RBCK1: variants seen among roughly 807,000 people sequenced by gnomAD.
RBCK1 encodes RANBP2-type and C3HC4-type zinc finger containing 1.
In RBCK1, 44 loss-of-function variants were observed where a neutral mutation model predicts 71.1. That is an observed-to-expected ratio of 0.62 (90% CI 0.49 to 0.80). The LOEUF is 0.80. RBCK1 is among the 30% of genes least tolerant of loss of function. The probability of loss-of-function intolerance (pLI) is 0.00; values close to 1 mark genes in which losing one functional copy is unlikely to be tolerated. For missense variants in RBCK1, 569 were observed against 685.0 expected (o/e 0.83, Z 1.89); for synonymous variants, 306 against 279.7 (o/e 1.09, Z -0.94).
Position 418,641 on chromosome 20 carries a change from T to G in RBCK1, c.461-706T>G, listed in dbSNP as rs538873682. On this transcript the variant is annotated intron_variant, in intron 4 of 11. Transcript: ENST00000356286. The stretch of plus-strand genomic sequence containing the variant: ...CCTCGGCCTCCCAAAGTGCTGGGAT[T>G]ACAGGCGTGAGCCACCACGCCCAAC... Among the ~76,000 whole-genome samples the G allele has an allele frequency of 5.9e-4, 90 of 152,362 alleles. 1 individual carries two copies. In the South Asian group the frequency reaches 7.9e-3, roughly 13 times the overall value.
chr20:423,550 A>T (rs1476810865), intron 8 of RBCK1, among the ~76,000 whole-genome samples: 1 of 152,238 alleles, frequency 6.6e-6, no homozygotes, highest in Non-Finnish European at 1.5e-5. Context: ...ACAATACAGC[A>T]TAAACTATTT....
chr20:429,097 G>T lies in RBCK1; in HGVS notation c.1452+3G>T. ...AGGGCCCACGCTGGGGCCCTGGGGT[G>T]AGTCTTTGCTCGTGGTGGTGTGGAG... On this transcript the variant is annotated splice_donor_region_variant and intron_variant, in intron 11 of 11. Coordinates refer to ENST00000356286, the MANE Select transcript of RBCK1 (RefSeq NM_031229.4). 1 of 1,610,246 alleles carries T rather than the reference G, an allele frequency of 6.2e-7. No individual in the cohort carries two copies. Among genetic ancestry groups the T allele is most frequent in the Non-Finnish European group, 8.5e-7 (1 of 1,178,094 alleles).
Position 426,183 on chromosome 20 carries a change from A to G in RBCK1, c.1030-1130A>G, listed in dbSNP as rs542971880. 2.3e-3 allele frequency among the ~76,000 whole-genome samples: 345 copies of G among 152,350 alleles called. 1 individual carries two copies. The highest frequency in any genetic ancestry group is 7.9e-3 in the African/African-American group (330 of 41,576). ...TCACATCATGGAGAATGGGGAATCC[A>G]TCCCCTCAAGCATTTATCCTTTGTG... is the stretch of plus-strand genomic sequence containing the variant. On this transcript the variant is annotated intron_variant, in intron 8 of 11. Coordinates refer to ENST00000356286, the MANE Select transcript of RBCK1 (RefSeq NM_031229.4).
At chr20:420,604 G>A in intron 6 of RBCK1, 1 of 917,634 alleles carries the variant, frequency 1.1e-6, no homozygotes. Context: ...CCCCTCCCTT[G>A]GCTTCCCCAC....
chr20:418,939 C>A (rs1307821918), intron 4 of RBCK1, among the ~76,000 whole-genome samples: 1 of 152,218 alleles, frequency 6.6e-6, no homozygotes, highest in African/African-American at 2.4e-5. Context: ...ACTTGGCATT[C>A]TGCTGTCATG....
rs1378291412 is a variant in RBCK1 at position 422,441 on chromosome 20, A to G, written c.1029+203A>G. On this transcript the variant is annotated intron_variant, in intron 8 of 11. Coordinates refer to ENST00000356286, the MANE Select transcript of RBCK1 (RefSeq NM_031229.4). This position sits in a 1 kb window ranked among gnomAD's most constrained non-coding sequence, Gnocchi z 5.0. ...CAGACATTTTTCAAGAGCTTTGTCC[A>G]TGTGGGGTGTTGAGACCCCAAGCAG... is the stretch of plus-strand genomic sequence containing the variant. Among the ~76,000 whole-genome samples the G allele has an allele frequency of 6.6e-6, 1 of 151,852 alleles. No individual in the cohort carries two copies. Among genetic ancestry groups the G allele is most frequent in the African/African-American group, 2.4e-5 (1 of 41,336 alleles).
At chr20:408,824 G>A (rs1392527835) in intron 1 of RBCK1, 45 bp downstream of exon 1, 32 of 1,591,402 alleles carry the variant, frequency 2.0e-5, no homozygotes, top group Non-Finnish European at 2.6e-5. Flanking sequence ...GGTGGGAAGT[G>A]GGCCCCGCAG....
At chr20:427,245 T>C in intron 8 of RBCK1, 68 bp from the exon 9 acceptor site, 1 of 1,517,974 alleles carries the variant, frequency 6.6e-7, no homozygotes, top group South Asian at 1.2e-5. Flanking sequence ...CTGGAGGGTA[T>C]TTAGTGGTCA....
In RBCK1 at chr20:410,618, A is replaced by G. The variant is rs2015650473; in HGVS notation, c.167+593A>G. On this transcript the variant is annotated intron_variant, in intron 2 of 11. Transcript: ENST00000356286. ...GACTGTATAGCCAAGATATTCAGCT[A>G]GAATTCAGGGGTTCGCTTGGTAAGG... The G allele has an allele frequency of 3.9e-6, 3 of 770,218 alleles. No homozygotes were observed. The East Asian group carries it at 7.3e-5, about 19-fold the overall frequency. 47.7% of individuals were successfully genotyped at this position (770,218 alleles called of 1,614,324 possible).
Position 408,489 on chromosome 20 carries a change from GT to G in RBCK1, c.-268del. On this transcript the variant is annotated 5_prime_UTR_variant, in exon 1 of 12. Transcript: ENST00000356286. ...TCCCCGCTTCTTCCCACCTCGGCTG[GT>G]CCCGTTTCCTCCTGCGCCCAGTGCG... 1.8e-6 allele frequency: 1 copy of G among 549,826 alleles called. No homozygotes were observed. Among genetic ancestry groups the G allele is most frequent in the Non-Finnish European group, 3.2e-6 (1 of 311,370 alleles). The allele number at this position is 549,826 out of a possible 1,614,324, so 34.1% of individuals were successfully genotyped here.
rs765037868 is a variant in RBCK1, at chr20:429,043, C to A, written c.1401C>A (p.Val467=). 6.2e-7 allele frequency: 1 copy of A among 1,612,820 alleles called. No individual in the cohort carries two copies. The highest frequency in any genetic ancestry group is 8.5e-7 in the Non-Finnish European group (1 of 1,179,902). The change falls in exon 11 of 12, where the codon GTC becomes GTA. Residue 467 remains valine (V), a synonymous_variant. Transcript: ENST00000356286. ...GCTGCGACTGGATCCGCTGCACCGTCTGCCACACCGAGATCTGCTGGGTCA... is the reference window on the plus strand; with the variant it reads ...GCTGCGACTGGATCCGCTGCACCGTATGCCACACCGAGATCTGCTGGGTCA... ...KDGCDWIRCT[V]CHTEICWVTK... is the part of the protein sequence containing the mutation.
chr20:408,968 C>A (rs2015537396), intron 1 of RBCK1, among the ~76,000 whole-genome samples, 189 bp downstream of exon 1: 1 of 152,244 alleles, frequency 6.6e-6, no homozygotes, highest in Admixed American at 6.5e-5. Flanking sequence ...CCTGAGAACT[C>A]CTTGGGCTGG....
intron 2 of RBCK1, among the ~76,000 whole-genome samples, 195 bp downstream of exon 2, chr20:410,220 C>T (rs1268083193): frequency 2.0e-5 from 3 of 152,220 alleles, no homozygotes; most frequent in African/African-American, 4.8e-5. Flanking sequence ...AAAATCAGAC[C>T]GTAACAGTAG....
intron 1 of RBCK1, among the ~76,000 whole-genome samples, chr20:409,513 C>T (rs923026486): frequency 1.3e-5 from 2 of 151,728 alleles, no homozygotes. Flanking sequence ...CCCCACTGGG[C>T]AGGGAGATCC....
At chr20:429,373 T>C (rs1298631069) in intron 11 of RBCK1, among the ~76,000 whole-genome samples, 3 of 152,048 alleles carry the variant, frequency 2.0e-5, no homozygotes, top group Non-Finnish European at 4.4e-5. Flanking sequence ...ATTACAGGCA[T>C]GCGCCACCAC....
At chr20:424,092 G>A (rs1163339603) in intron 8 of RBCK1, among the ~76,000 whole-genome samples, 1 of 152,192 alleles carries the variant, frequency 6.6e-6, no homozygotes, top group Admixed American at 6.5e-5. Flanking sequence ...CCAAAAGTGT[G>A]GAATCGGGGA....
At chr20:427,666 A>C (rs1480043400) in intron 9 of RBCK1, among the ~76,000 whole-genome samples, 174 bp downstream of exon 9, 2 of 152,108 alleles carry the variant, frequency 1.3e-5, no homozygotes, top group Admixed American at 6.5e-5. Flanking sequence ...CCCTGGCCCC[A>C]CAGACGGAGT....
intron 2 of RBCK1, among the ~76,000 whole-genome samples, chr20:416,310 C>T (rs560937638): frequency 2.0e-5 from 3 of 152,032 alleles, no homozygotes; most frequent in Admixed American, 6.6e-5. Flanking sequence ...CGCCCGCCAC[C>T]GTGCCTGGCT....
chr20:420,113 C>T (rs2122252608), intron 6 of RBCK1: 1 of 984,970 alleles, frequency 1.0e-6, no homozygotes, highest in Non-Finnish European at 1.2e-6. Context: ...CACCCCCACC[C>T]GTCTGTGACC....
Sources: allele counts gnomAD v4.1 joint callset (sites outside exome capture counted in the v4.1 genomes callset), GRCh38; gene constraint gnomAD v4.1.1; non-coding constraint Gnocchi (gnomAD v3.1); transcripts MANE v1.5; gene names NCBI Gene and HGNC (gene_info 2026-07-23, HGNC 2026-07-21).